The following AFF4 variants were observed in gnomAD, a reference collection of about 807,000 sequenced individuals.
The protein encoded by AFF4 is AF4/FMR2 family member 4.
In AFF4, 13 loss-of-function variants were observed where a neutral mutation model predicts 124.8. That is an observed-to-expected ratio of 0.10 (90% CI 0.07 to 0.17). The LOEUF (loss-of-function observed/expected upper bound fraction) is 0.17, where lower values mean the gene tolerates loss of function less well. AFF4 is among the 10% of genes least tolerant of loss of function. The pLI is 1.00. For synonymous variants in AFF4, 477 were observed against 496.1 expected, an observed-to-expected ratio of 0.96 and a Z score of 0.51; for missense variants, 1,092 against 1,403.8, an observed-to-expected ratio of 0.78 and a Z score of 3.55.
intron 5 of AFF4, among the ~76,000 whole-genome samples, chr5:132,906,469 T>C (rs1270071577): frequency 1.3e-5 from 2 of 152,150 alleles, no homozygotes; most frequent in Non-Finnish European, 2.9e-5. Flanking sequence ...ACAACTTAGA[T>C]GAATCTTAAA....
chr5:132,912,140 G>A (rs550558590), intron 5 of AFF4, among the ~76,000 whole-genome samples: 2 of 144,950 alleles, frequency 1.4e-5, no homozygotes, highest in African/African-American at 2.6e-5. Context: ...ATCACCTGAC[G>A]TCAGGAGTTC....
intron 6 of AFF4, chr5:132,904,059 C>A (rs776475878): frequency 5.5e-5 from 12 of 217,162 alleles, no homozygotes; most frequent in Non-Finnish European, 9.5e-5. Context: ...AGTTCGAGAC[C>A]AGCCTGTGCA....
At chr5:132,907,712 T>C (rs1561489879) in intron 5 of AFF4, among the ~76,000 whole-genome samples, 1 of 151,460 alleles carries the variant, frequency 6.6e-6, no homozygotes, top group African/African-American at 2.4e-5. Context: ...GAAGGATATA[T>C]AGGAAATAAA....
In AFF4 at chr5:132,942,460, CTTTTTTTTTT is replaced by C. The variant is rs35994411; in HGVS notation, c.-4-5277_-4-5268del. On this transcript the variant is annotated intron_variant, in intron 1 of 20. Coordinates refer to ENST00000265343, the MANE Select transcript of AFF4 (RefSeq NM_014423.4). The stretch of plus-strand genomic sequence containing the variant: ...GCCCCCTGAACTCAGTCCTTTTGAC[CTTTTTTTTTT>C]TTTTTTTTTTAAAGACAGAGTTTCG... 2.2e-3 allele frequency among the ~76,000 whole-genome samples: 298 copies of C among 134,102 alleles called. 1 individual carries two copies. Among genetic ancestry groups the C allele is most frequent in the Non-Finnish European group, 3.6e-3 (223 of 62,746 alleles). The allele number at this position is 134,102 out of a possible 152,430, so 88.0% of individuals were successfully genotyped here.
chr5:132,891,218 AAG>A, intron 13 of AFF4, among the ~76,000 whole-genome samples: 1 of 152,178 alleles, frequency 6.6e-6, no homozygotes, highest in East Asian at 1.9e-4. Context: ...CTACTAAAGA[AAG>A]AGGTTGTTCA....
chr5:132,908,776 A>ATATATAT (rs375891983), intron 5 of AFF4, among the ~76,000 whole-genome samples: 4 of 114,918 alleles, frequency 3.5e-5, no homozygotes, highest in African/African-American at 1.2e-4. Context: ...ATATATATAT[A>ATATATAT]TTTTTTTTTT....
chr5:132,963,130 G>C, intron 1 of AFF4, 129 bp downstream of exon 1: 2 of 348,610 alleles, frequency 5.7e-6, no homozygotes, highest in Non-Finnish European at 1.0e-5. Flanking sequence ...ACGCCTGATT[G>C]AGCAGCCCCA....
intron 4 of AFF4, among the ~76,000 whole-genome samples, chr5:132,928,676 C>A (rs552190564): frequency 1.3e-5 from 2 of 152,074 alleles, no homozygotes; most frequent in African/African-American, 4.8e-5. Context: ...AAATAGAACA[C>A]CAGACATTAA....
rs750524095 is a variant in AFF4, at chr5:132,883,580, A to C, written c.3144-20T>G. On this transcript the variant is annotated intron_variant, in intron 19 of 20. Transcript: ENST00000265343. ...GCTTTGCTACACAACAGAAATAGGA[A>C]GCTTGTTCATATGGACATGGTAAGC... The C allele has an allele frequency of 6.2e-7, 1 of 1,608,808 alleles. No individual in the cohort carries two copies. Among genetic ancestry groups the C allele is most frequent in the Non-Finnish European group, 8.5e-7 (1 of 1,176,788 alleles).
intron 1 of AFF4, among the ~76,000 whole-genome samples, chr5:132,948,962 A>C (rs1761765311): frequency 6.6e-6 from 1 of 152,044 alleles, no homozygotes; most frequent in South Asian, 2.1e-4. Flanking sequence ...ATTCCACACA[A>C]TGTTTATGGA....
At chr5:132,898,439 A>G in intron 9 of AFF4, 47 bp from the exon 10 acceptor site, 2 of 1,558,282 alleles carry the variant, frequency 1.3e-6, no homozygotes, top group Non-Finnish European at 1.7e-6. Context: ...TTTTACATTG[A>G]CAACAGGAAA....
chr5:132,900,891 C>T (rs1581282922), intron 7 of AFF4: 1 of 984,260 alleles, frequency 1.0e-6, no homozygotes, highest in Admixed American at 6.1e-5. Flanking sequence ...AATTTCATTA[C>T]AATCTCCAAT....
chr5:132,927,264 G>T, intron 4 of AFF4, 57 bp from the exon 5 acceptor site: 1 of 1,437,350 alleles, frequency 7.0e-7, no homozygotes, highest in Non-Finnish European at 9.6e-7. Flanking sequence ...AAATTATACA[G>T]CTAAAAACCA....
At chr5:132,910,488 C>G (rs1025876551) in intron 5 of AFF4, among the ~76,000 whole-genome samples, 1 of 152,204 alleles carries the variant, frequency 6.6e-6, no homozygotes, top group Non-Finnish European at 1.5e-5. Context: ...ACAACTTTCT[C>G]CCTTCTCTGT....
At chr5:132,891,502 T>A (rs1760256087) in intron 13 of AFF4, among the ~76,000 whole-genome samples, 1 of 152,166 alleles carries the variant, frequency 6.6e-6, no homozygotes, top group Non-Finnish European at 1.5e-5. Context: ...GCTCCTTTGA[T>A]CCAAATCTCC....
At chr5:132,886,559 T>G (rs1220879386) in intron 17 of AFF4, among the ~76,000 whole-genome samples, 156 bp from the exon 18 acceptor site, 1 of 152,214 alleles carries the variant, frequency 6.6e-6, no homozygotes, top group Non-Finnish European at 1.5e-5. Context: ...GTGTTCTTAT[T>G]GTGGTACACA....
intron 1 of AFF4, among the ~76,000 whole-genome samples, chr5:132,941,733 C>T (rs751961407): frequency 1.3e-5 from 2 of 151,936 alleles, no homozygotes; most frequent in Non-Finnish European, 2.9e-5. Context: ...ATTGGCCAGG[C>T]GCGGTGGCTC....
chr5:132,883,223 GATT>G (rs1760029645), intron 20 of AFF4, 114 bp downstream of exon 20: 7 of 987,670 alleles, frequency 7.1e-6, no homozygotes, highest in Non-Finnish European at 1.0e-5. Flanking sequence ...TTAACAAACA[GATT>G]ATCATTAACT....
intron 1 of AFF4, chr5:132,948,862 A>T (rs1761762046): frequency 6.5e-6 from 1 of 152,672 alleles, no homozygotes; most frequent in Non-Finnish European, 1.5e-5. Flanking sequence ...TTCATACCAC[A>T]TTTGAATTTT....
Sources: allele counts gnomAD v4.1 joint callset (sites outside exome capture counted in the v4.1 genomes callset), GRCh38; gene constraint gnomAD v4.1.1; transcripts MANE v1.5; gene names NCBI Gene and HGNC (gene_info 2026-07-23, HGNC 2026-07-21).